The following DNAH12 variants were observed in gnomAD, a reference collection of about 807,000 sequenced individuals.
The protein encoded by DNAH12 is dynein axonemal heavy chain 12.
In DNAH12, 285 loss-of-function variants were observed where a neutral mutation model predicts 371.5. The ratio of observed to expected loss-of-function variants is 0.77; its 90% CI spans 0.70 to 0.85. The LOEUF (loss-of-function observed/expected upper bound fraction) is 0.85. Ranked by LOEUF, DNAH12 falls within the 40% of genes least tolerant of loss-of-function variation. The pLI, the probability that DNAH12 is intolerant of heterozygous loss-of-function variation, is 0.00. For missense variants in DNAH12, 3,611 were observed against 3,689.4 expected (o/e 0.98, Z 0.55); for synonymous variants, 1,200 against 1,213.0 (o/e 0.99, Z 0.22).
chr3:57,528,615 C>T (rs1468445006), intron 2 of DNAH12, among the ~76,000 whole-genome samples: 3 of 18 alleles, frequency 0.17, no homozygotes, highest in Non-Finnish European at 0.25. Flanking sequence ...ATCCCAGCTA[C>T]TCGGGAGGCT....
Position 57,436,081 on chromosome 3 carries a change from CAAG to C in DNAH12, c.4655+867_4655+869del, listed in dbSNP as rs368813261. On this transcript the variant is annotated intron_variant, in intron 30 of 73. Coordinates refer to ENST00000495027, the MANE Select transcript of DNAH12 (RefSeq NM_001366028.2). Reference sequence around the variant, plus strand: ...CCTCTCAGAAGGTTAAACTAAGGCCCAAGAAGAAGAATTAAACTGGAAAGCCCC... The same window carrying C: ...CCTCTCAGAAGGTTAAACTAAGGCCCAAGAAGAATTAAACTGGAAAGCCCC... 3.7e-3 allele frequency among the ~76,000 whole-genome samples: 560 copies of C among 151,582 alleles called. 1 individual carries two copies. Among genetic ancestry groups the C allele is most frequent in the Middle Eastern group, 6.8e-3 (2 of 292 alleles).
rs531919782 is a variant in DNAH12, at chr3:57,515,943, G to A, written c.280-4964C>T. Among the ~76,000 whole-genome samples the A allele has an allele frequency of 3.8e-4, 58 of 150,702 alleles. No homozygotes were observed. In the Middle Eastern group the frequency reaches 0.01, roughly 27 times the overall value. On this transcript the variant is annotated intron_variant, in intron 4 of 73. Coordinates refer to ENST00000495027, the MANE Select transcript of DNAH12 (RefSeq NM_001366028.2). ...ATTTTTTAAATGTGTAGCCTAGATGGACATTTTTTCTTTTGTCTCTTACTT... is the reference window on the plus strand; with the variant it reads ...ATTTTTTAAATGTGTAGCCTAGATGAACATTTTTTCTTTTGTCTCTTACTT...
chr3:57,392,067 C>G lies in DNAH12; in HGVS notation c.7111-1G>C, dbSNP rs2063635798. ...CAGCCTGAGCTACTGGGCGAACACC[C>G]TAGGGAATATCAGAAAATAAAAACC... is the stretch of plus-strand genomic sequence containing the variant. On this transcript the variant is annotated splice_acceptor_variant, in intron 44 of 73. Transcript: ENST00000495027. LOFTEE classifies it high-confidence loss of function. The G allele has an allele frequency of 6.6e-6, 1 of 152,090 alleles. No homozygotes were observed. 9.4% of individuals were successfully genotyped at this position (152,090 alleles called of 1,614,324 possible).
At chr3:57,556,008 C>T in the DNAH12 span, among the ~76,000 whole-genome samples, 1 of 152,252 alleles carries the variant, frequency 6.6e-6, no homozygotes, top group Non-Finnish European at 1.5e-5. The surrounding 1 kb of genome is among the most constrained non-coding windows in gnomAD (Gnocchi z 5.0). Flanking sequence ...TGTCCACCTC[C>T]TCCAACGAAG....
chr3:57,489,514 A>T lies in DNAH12; in HGVS notation c.1509T>A (p.Asn503Lys). 6.6e-7 allele frequency: 1 copy of T among 1,508,870 alleles called. No homozygotes were observed. The highest frequency in any genetic ancestry group is 1.4e-5 in the African/African-American group (1 of 70,056). 93.5% of individuals were successfully genotyped at this position (1,508,870 alleles called of 1,614,324 possible). A position where few individuals can be genotyped will look rare whatever the true frequency, so the allele number is the denominator to read the frequency against. The change falls in exon 12 of 74, where the codon AAT becomes AAA. Residue 503 changes from asparagine to lysine, a missense_variant. Asn to Lys is a moderately conservative substitution (Grantham distance 94, BLOSUM62 0). Transcript: ENST00000495027. Reference protein sequence around the residue: ...NDIASKYRKENECICSEFEAI... With the variant: ...NDIASKYRKEKECICSEFEAI... ...TGGGAATTAATTCTACTTACCATTC[A>T]TTTTCTTTTCTATATTTTGAAGCTA...
chr3:57,464,439 C>G (rs1186451893), intron 17 of DNAH12, among the ~76,000 whole-genome samples: 1 of 152,116 alleles, frequency 6.6e-6, no homozygotes, highest in Non-Finnish European at 1.5e-5. Flanking sequence ...GGTACTAGAC[C>G]CAAGCCAAAC....
intron 13 of DNAH12, among the ~76,000 whole-genome samples, chr3:57,474,213 T>A (rs1267598724): frequency 1.3e-5 from 2 of 152,208 alleles, no homozygotes; most frequent in Admixed American, 6.5e-5. Context: ...AGTTATATAA[T>A]GGTATATGAA....
At chr3:57,500,740 T>A (rs1355169353) in intron 11 of DNAH12, among the ~76,000 whole-genome samples, 1 of 152,168 alleles carries the variant, frequency 6.6e-6, no homozygotes, top group East Asian at 1.9e-4. Context: ...AGGCCAAATA[T>A]AAGCTCCTGA....
rs1175516955 is a variant in DNAH12 at position 57,294,189 on chromosome 3, T to A, written c.11693-218A>T. Among the ~76,000 whole-genome samples the A allele has an allele frequency of 3.3e-5, 5 of 149,744 alleles. No homozygotes were observed. The East Asian group carries it at 9.6e-4, about 29-fold the overall frequency. On this transcript the variant is annotated intron_variant, in intron 73 of 73. Coordinates refer to ENST00000495027, the MANE Select transcript of DNAH12 (RefSeq NM_001366028.2). ...TTCTTTTCTTTTCTTTTTTTTTTTTTTTTTGGAGACTGAGTCTCACTCTGT... is the reference window on the plus strand; with the variant it reads ...TTCTTTTCTTTTCTTTTTTTTTTTTATTTTGGAGACTGAGTCTCACTCTGT...
upstream of DNAH12, among the ~76,000 whole-genome samples, chr3:57,545,428 G>A (rs1181400511): frequency 6.6e-6 from 1 of 151,398 alleles, no homozygotes; most frequent in Non-Finnish European, 1.5e-5. Flanking sequence ...CAAAATGCTG[G>A]GATTACAGGC....
intron 12 of DNAH12, among the ~76,000 whole-genome samples, chr3:57,488,502 A>G (rs890678096): frequency 1.3e-5 from 2 of 151,984 alleles, no homozygotes; most frequent in African/African-American, 4.8e-5. Context: ...GGAAGGTACT[A>G]TTTTTCATAG....
intron 9 of DNAH12, 59 bp downstream of exon 9, chr3:57,503,957 G>T: frequency 7.2e-7 from 1 of 1,381,190 alleles, no homozygotes; most frequent in Non-Finnish European, 1.0e-6. Context: ...CACATACACT[G>T]CATAGAGATT....
chr3:57,303,538 A>G (rs1452188132), intron 69 of DNAH12, among the ~76,000 whole-genome samples: 1 of 151,718 alleles, frequency 6.6e-6, no homozygotes, highest in East Asian at 1.9e-4. Flanking sequence ...TGGCCTCCCA[A>G]GTAGCTGAGA....
intron 30 of DNAH12, among the ~76,000 whole-genome samples, chr3:57,435,132 G>A (rs902956229): frequency 6.6e-6 from 1 of 152,074 alleles, no homozygotes; most frequent in South Asian, 2.1e-4. Context: ...AGCACTTTGG[G>A]AGGCCAAGGT....
chr3:57,439,837 A>G (rs1367674079), intron 29 of DNAH12, among the ~76,000 whole-genome samples: 1 of 113,886 alleles, frequency 8.8e-6, no homozygotes, highest in Non-Finnish European at 1.9e-5. Flanking sequence ...AAACAATTGA[A>G]CAGGAAAAAA....
intron 7 of DNAH12, 134 bp from the exon 8 acceptor site, chr3:57,507,972 A>C: frequency 1.3e-6 from 1 of 751,810 alleles, no homozygotes; most frequent in Non-Finnish European, 2.0e-6. Flanking sequence ...GCAGATCACG[A>C]GGTCAGGAGT....
chr3:57,467,952 A>G (rs78703519), intron 17 of DNAH12, among the ~76,000 whole-genome samples: 3,989 of 152,278 alleles, frequency 0.026, 73 homozygotes, highest in Non-Finnish European at 0.034. Flanking sequence ...GAGGAATAAA[A>G]TGCCCTCTCT....
chr3:57,476,594 A>G (rs1486850587), intron 13 of DNAH12, among the ~76,000 whole-genome samples: 1 of 133,312 alleles, frequency 7.5e-6, no homozygotes, highest in Admixed American at 7.5e-5. Flanking sequence ...AAATCAGAAT[A>G]GCACTAACAT....
intron 29 of DNAH12, among the ~76,000 whole-genome samples, chr3:57,442,999 T>C (rs886340170): frequency 5.3e-5 from 8 of 152,228 alleles, no homozygotes; most frequent in African/African-American, 1.4e-4. Flanking sequence ...TCACTGTACA[T>C]TTCACAATAG....
Sources: gnomAD v4.1 joint callset for allele counts (sites outside exome capture counted in the v4.1 genomes callset) on GRCh38, gnomAD v4.1.1 for gene constraint, Gnocchi (gnomAD v3.1) non-coding constraint, MANE v1.5 for transcripts, NCBI Gene and HGNC (gene_info 2026-07-23, HGNC 2026-07-21) for gene names.